The following CD300C variants were observed in gnomAD, a reference collection of about 807,000 sequenced individuals.
CD300C encodes the protein CMRF35-like molecule 6.
CD300C carries 11 observed loss-of-function variants against 18.4 expected under a neutral mutation model. The ratio of observed to expected loss-of-function variants is 0.60; its 90% CI spans 0.38 to 0.99. CD300C has a LOEUF of 0.99. Among genes scored for constraint, CD300C ranks in the 50% least tolerant of loss-of-function variants. CD300C has a pLI of 0.01. For missense variants in CD300C, 277 were observed against 287.4 expected, an observed-to-expected ratio of 0.96 and a Z score of 0.26; for synonymous variants, 116 against 116.3, an observed-to-expected ratio of 1.00 and a Z score of 0.02.
chr17:74,544,672 C>T lies in CD300C; in HGVS notation c.337G>A (p.Asp113Asn). The T allele has an allele frequency of 6.2e-7, 1 of 1,614,220 alleles. No homozygotes were observed. The highest frequency in any genetic ancestry group is 8.5e-7 in the Non-Finnish European group (1 of 1,180,040). The stretch of plus-strand genomic sequence containing the variant: ...TGAAAGTCTCGGAGCCACGGTGTAT[C>T]CACCCCACACCAGTAGGTGCCTGCG... ...EDAGTYWCGVDTPWLRDFHDP... is the reference protein window; with the variant it reads ...EDAGTYWCGVNTPWLRDFHDP... Residue 113 changes from aspartate to asparagine, a missense_variant, in exon 2 of 4, where the codon GAT becomes AAT. Physicochemically the swap from Asp to Asn is conservative, Grantham distance 23 (BLOSUM62 1). Coordinates refer to ENST00000330793, the MANE Select transcript of CD300C (RefSeq NM_006678.5).
downstream of CD300C, among the ~76,000 whole-genome samples, chr17:74,536,996 C>A (rs1908396902): frequency 4.2e-5 from 6 of 142,026 alleles, no homozygotes; most frequent in African/African-American, 5.3e-5. Flanking sequence ...AGGAGGAGGA[C>A]CAAGAGGTAG....
At chr17:74,538,282 C>T (rs1908439464), downstream of CD300C, among the ~76,000 whole-genome samples, 1 of 152,190 alleles carries the variant, frequency 6.6e-6, no homozygotes, top group Non-Finnish European at 1.5e-5. Flanking sequence ...TGCCTCCCCA[C>T]CGAGCTTCTC....
rs1472164160 is a variant in CD300C at position 74,542,999 on chromosome 17, A to G, written c.401-12T>C. ...TGTGGTCGTCCCGGCTGTGGGTGAA[A>G]CACAGGTCAACCTTGATGACATCAC... On this transcript the variant is annotated splice_polypyrimidine_tract_variant and intron_variant, in intron 2 of 3. Coordinates refer to ENST00000330793, the MANE Select transcript of CD300C (RefSeq NM_006678.5). 1.2e-6 allele frequency: 2 copies of G among 1,613,136 alleles called. No homozygotes were observed. The highest frequency in any genetic ancestry group is 1.6e-4 in the Middle Eastern group (1 of 6,062).
At chr17:74,543,067 A>G in intron 2 of CD300C, 80 bp from the exon 3 acceptor site, 1 of 1,563,724 alleles carries the variant, frequency 6.4e-7, no homozygotes, top group Non-Finnish European at 8.7e-7. Context: ...TCCAATTTTC[A>G]CAGACAAGGT....
intron 2 of CD300C, among the ~76,000 whole-genome samples, chr17:74,544,035 T>G (rs1312012180): frequency 1.3e-5 from 2 of 152,036 alleles, no homozygotes; most frequent in African/African-American, 4.8e-5. Context: ...CTCCAGTGGC[T>G]GCTGCAGGAG....
downstream of CD300C, among the ~76,000 whole-genome samples, chr17:74,540,359 T>C (rs1158490096): frequency 1.3e-5 from 2 of 152,236 alleles, no homozygotes; most frequent in Non-Finnish European, 2.9e-5. Context: ...CTCTGTCTTT[T>C]ACATTACCTC....
intron 3 of CD300C, 52 bp downstream of exon 3, chr17:74,542,809 A>ACGCAG: frequency 6.4e-7 from 1 of 1,568,788 alleles, no homozygotes; most frequent in East Asian, 2.3e-5. Context: ...TAAACATCAC[A>ACGCAG]CGCAGTGGGG....
Position 74,544,613 on chromosome 17 carries a change from G to T in CD300C, c.396C>A (p.Phe132Leu), listed in dbSNP as rs944815734. Residue 132 changes from phenylalanine to leucine, a missense_variant, in exon 2 of 4, where the codon TTC becomes TTA. By Grantham distance (22) the Phe-to-Leu change is conservative. Transcript: ENST00000330793. Reference protein sequence around the residue: ...DPIVEVEVSVFPAGTTTASSP... With the variant: ...DPIVEVEVSVLPAGTTTASSP... ...CTGAGAAAAGGAGGGGCTCACCCGG[G>T]AACACGGACACCTCAACCTCGACAA... 6.2e-7 allele frequency: 1 copy of T among 1,608,692 alleles called. No individual in the cohort carries two copies. Among genetic ancestry groups the T allele is most frequent in the South Asian group, 1.1e-5 (1 of 90,854 alleles).
In CD300C at chr17:74,544,664, C is replaced by T. The variant is rs759818914; in HGVS notation, c.345G>A (p.Pro115=). 36 of 1,614,052 alleles carry T rather than the reference C, an allele frequency of 2.2e-5. No homozygotes were observed. Among genetic ancestry groups the T allele is most frequent in the Middle Eastern group, 1.6e-4 (1 of 6,082 alleles). The change falls in exon 2 of 4, where the codon CCG becomes CCA. Residue 115 remains proline (P), a synonymous_variant. Coordinates refer to ENST00000330793, the MANE Select transcript of CD300C (RefSeq NM_006678.5). ...TGGGATCATGAAAGTCTCGGAGCCA[C>T]GGTGTATCCACCCCACACCAGTAGG... ...AGTYWCGVDT[P]WLRDFHDPIV... is the part of the protein sequence containing the mutation.
In CD300C at chr17:74,542,902, G is replaced by C; in HGVS notation, c.486C>G (p.Ser162Arg). 1 of 1,611,334 alleles carries C rather than the reference G, an allele frequency of 6.2e-7. No individual in the cohort carries two copies. The highest frequency in any genetic ancestry group is 8.5e-7 in the Non-Finnish European group (1 of 1,179,994). The change falls in exon 3 of 4, where the codon AGC becomes AGG. Residue 162 changes from serine (S) to arginine (R), a missense_variant. Coordinates refer to ENST00000330793, the MANE Select transcript of CD300C (RefSeq NM_006678.5). The part of the protein sequence containing the change: ...PTKLPVHTWP[S>R]VTRKDSPEPS... ...GTTCGGGGCTGTCCTTTCTGGTCAC[G>C]CTGGGCCAGGTGTGCACGGGCAGCT... is the stretch of plus-strand genomic sequence containing the variant.
At chr17:74,535,626 G>A in the CD300C span, among the ~76,000 whole-genome samples, 10 of 152,030 alleles carry the variant, frequency 6.6e-5, no homozygotes, top group East Asian at 1.2e-3. Flanking sequence ...TACATACCAT[G>A]TTCATAGACA....
At chr17:74,536,816 C>T (rs1020624935), downstream of CD300C, among the ~76,000 whole-genome samples, 1 of 152,136 alleles carries the variant, frequency 6.6e-6, no homozygotes, top group Non-Finnish European at 1.5e-5. Context: ...CCTAGTAGAG[C>T]TGATTACACA....
chr17:74,541,338 G>C lies in CD300C; in HGVS notation c.*251C>G. 2.3e-6 allele frequency: 1 copy of C among 438,646 alleles called. No individual in the cohort carries two copies. Among genetic ancestry groups the C allele is most frequent in the Non-Finnish European group, 4.3e-6 (1 of 235,140 alleles). 27.2% of individuals were successfully genotyped at this position (438,646 alleles called of 1,614,324 possible). On this transcript the variant is annotated 3_prime_UTR_variant, in exon 4 of 4. Transcript: ENST00000330793. ...AGGGAGGGCATCCGGGCACTCAGAG[G>C]TATTGCTGACGGCCCGAGGCTTAGC...
At chr17:74,536,576 A>G (rs1051210836), downstream of CD300C, among the ~76,000 whole-genome samples, 4 of 151,868 alleles carry the variant, frequency 2.6e-5, no homozygotes, top group African/African-American at 9.7e-5. Context: ...AACAGAAAGT[A>G]GATGAAGATT....
chr17:74,535,384 A>G, the CD300C span, among the ~76,000 whole-genome samples: 75,792 of 150,520 alleles, frequency 0.5, 19,634 homozygotes, highest in Middle Eastern at 0.65. Context: ...CAGGAGAATC[A>G]CTTGAAACCA....
chr17:74,535,904 G>A, the CD300C span, among the ~76,000 whole-genome samples: 1 of 152,148 alleles, frequency 6.6e-6, no homozygotes, highest in South Asian at 2.1e-4. Flanking sequence ...ACATAATAGA[G>A]TGGTTAGAAA....
At chr17:74,545,354 G>C (rs1908723401) in intron 1 of CD300C, among the ~76,000 whole-genome samples, 1 of 151,900 alleles carries the variant, frequency 6.6e-6, no homozygotes, top group African/African-American at 2.4e-5. Context: ...GAGACTGTGT[G>C]AGTGTGACTG....
At chr17:74,535,635 CAGAG>C in the CD300C span, among the ~76,000 whole-genome samples, 1 of 149,248 alleles carries the variant, frequency 6.7e-6, no homozygotes, top group African/African-American at 2.6e-5. Flanking sequence ...TGTTCATAGA[CAGAG>C]AAATTATTAT....
intron 3 of CD300C, 24 bp from the exon 4 acceptor site, chr17:74,541,760 G>A: frequency 6.2e-7 from 1 of 1,603,038 alleles, no homozygotes. Context: ...GTGACAGGCA[G>A]TGAGTCACCT....
Sources: gnomAD v4.1 joint callset for allele counts (sites outside exome capture counted in the v4.1 genomes callset) on GRCh38, gnomAD v4.1.1 for gene constraint, MANE v1.5 for transcripts, NCBI Gene and HGNC (gene_info 2026-07-23, HGNC 2026-07-21) for gene names.